Variants in PARVB observed in about 807,000 individuals in gnomAD.
PARVB encodes the protein beta-parvin.
A neutral mutation model predicts 47.0 loss-of-function variants in PARVB; 46 were observed. The ratio of observed to expected loss-of-function variants is 0.98; its 90% confidence interval spans 0.77 to 1.25. PARVB has a LOEUF of 1.25. Ranked by LOEUF, PARVB falls within the 50% of genes most tolerant of loss-of-function variation. The probability of loss-of-function intolerance (pLI) is 0.00; values close to 1 mark genes in which losing one functional copy is unlikely to be tolerated. For synonymous variants in PARVB, 196 were observed against 196.3 expected (o/e 1.00, Z 0.01); for missense variants, 473 against 471.6 (o/e 1.00, Z -0.03).
intron 3 of PARVB, chr22:44,110,675 C>G (rs1302818402): frequency 6.6e-6 from 1 of 152,126 alleles, no homozygotes; most frequent in Non-Finnish European, 1.5e-5. Context: ...TCTCGGCTCA[C>G]TGCAACCTCT....
intron 1 of PARVB, among the ~76,000 whole-genome samples, chr22:44,028,304 A>ACT (rs201856007): frequency 8.1e-6 from 1 of 123,510 alleles, no homozygotes; most frequent in Admixed American, 8.7e-5. Context: ...ACCACGGATC[A>ACT]TTTTTTTGTT....
intron 1 of PARVB, among the ~76,000 whole-genome samples, chr22:44,062,956 G>T (rs561157766): frequency 1.3e-5 from 2 of 152,256 alleles, no homozygotes; most frequent in Admixed American, 6.5e-5. Context: ...GGGGTTGGGG[G>T]GTGTGGAGCT....
intron 8 of PARVB, chr22:44,140,735 G>A (rs2053535071): frequency 5.3e-6 from 2 of 378,704 alleles, no homozygotes; most frequent in African/African-American, 4.2e-5. Flanking sequence ...TGAGATCACA[G>A]GTGAGTGCCC....
At chr22:44,084,249 G>A in intron 1 of PARVB, among the ~76,000 whole-genome samples, 1 of 152,238 alleles carries the variant, frequency 6.6e-6, no homozygotes, top group Non-Finnish European at 1.5e-5. Flanking sequence ...TGGGAGGCCA[G>A]TGTGCCAGCT....
At chr22:44,134,152 C>T (rs2053390440) in intron 6 of PARVB, among the ~76,000 whole-genome samples, 2 of 152,284 alleles carry the variant, frequency 1.3e-5, no homozygotes, top group South Asian at 2.1e-4. Flanking sequence ...GTTTTCCGAA[C>T]CCATTCTGGC....
chr22:44,058,983 G>C (rs575371726), intron 1 of PARVB, among the ~76,000 whole-genome samples: 22 of 151,530 alleles, frequency 1.5e-4, no homozygotes, highest in South Asian at 2.1e-4. Flanking sequence ...GGTGTGATGG[G>C]GGGGGGAAAC....
intron 1 of PARVB, among the ~76,000 whole-genome samples, chr22:44,061,461 C>CA (rs1211440492): frequency 6.6e-5 from 10 of 151,124 alleles, no homozygotes; most frequent in East Asian, 3.9e-4. Flanking sequence ...CAAAACAAAA[C>CA]AAACCAAAAC....
intron 3 of PARVB, among the ~76,000 whole-genome samples, chr22:44,100,570 A>G (rs755318740): frequency 7.2e-5 from 11 of 151,992 alleles, no homozygotes; most frequent in Non-Finnish European, 1.6e-4. Flanking sequence ...CGCTGAGTGG[A>G]CAGTCAGTTT....
In PARVB at chr22:44,024,313, G is replaced by C. The variant is rs1603424126; in HGVS notation, c.-27G>C. 6 of 1,009,016 alleles carry C rather than the reference G, an allele frequency of 5.9e-6. No individual in the cohort carries two copies. The highest frequency in any genetic ancestry group is 7.1e-6 in the Non-Finnish European group (6 of 845,786). 62.5% of individuals were successfully genotyped at this position (1,009,016 alleles called of 1,614,324 possible). On this transcript the variant is annotated 5_prime_UTR_variant, in exon 1 of 13. Transcript: ENST00000338758. ...GACCGGGCGGCTCCACACGCGCTGCGCCCGCCGCCGGCCCCACGCGCGGCC... is the reference window on the plus strand; with the variant it reads ...GACCGGGCGGCTCCACACGCGCTGCCCCCGCCGCCGGCCCCACGCGCGGCC...
intron 4 of PARVB, among the ~76,000 whole-genome samples, chr22:44,130,822 G>A (rs1305283610): frequency 6.6e-6 from 1 of 152,012 alleles, no homozygotes; most frequent in East Asian, 1.9e-4. Context: ...GAATGTTCCC[G>A]AGTATAACAC....
At chr22:44,054,747 G>A (rs1029199303) in intron 1 of PARVB, among the ~76,000 whole-genome samples, 1 of 149,332 alleles carries the variant, frequency 6.7e-6, no homozygotes, top group Admixed American at 6.7e-5. Context: ...CCAGCACTTT[G>A]GGAAGTCGAG....
Position 44,163,850 on chromosome 22 carries a change from C to T in PARVB, c.946-8C>T. 2 of 1,604,478 alleles carry T rather than the reference C, an allele frequency of 1.2e-6. No individual in the cohort carries two copies. The highest frequency in any genetic ancestry group is 1.7e-6 in the Non-Finnish European group (2 of 1,175,216). On this transcript the variant is annotated splice_polypyrimidine_tract_variant and splice_region_variant and intron_variant, in intron 11 of 12. Coordinates refer to ENST00000338758, the MANE Select transcript of PARVB (RefSeq NM_013327.5). ...CCCTAACGCTGACCCACCCCCCTTC[C>T]TTGGCAGGTCCACAATGTGTCCTTC...
chr22:44,167,777 C>T (rs1302905093), intron 12 of PARVB, among the ~76,000 whole-genome samples: 1 of 151,970 alleles, frequency 6.6e-6, no homozygotes, highest in Admixed American at 6.6e-5. Context: ...GAGTTCAGCC[C>T]TGCTTTTGCT....
chr22:44,058,290 G>A (rs1326465659), intron 1 of PARVB, among the ~76,000 whole-genome samples: 2 of 152,028 alleles, frequency 1.3e-5, no homozygotes, highest in African/African-American at 4.8e-5. Context: ...GGGGACGGTG[G>A]GCAGTCCTGG....
rs763733104 is a variant in PARVB at position 44,168,604 on chromosome 22, G to T, written c.1021G>T (p.Val341Leu). ...AGTTTCTCTGTTTCCTTCTGCAGAC[G>T]TGGTTAACTTGGACCTCAAATCCAC... ...LKKPKARPED[V>L]VNLDLKSTLR... The change falls in exon 13 of 13, where the codon GTG becomes TTG. Residue 341 changes from valine to leucine, a missense_variant and splice_region_variant. Physicochemically the swap from Val to Leu is conservative, Grantham distance 32. Coordinates refer to ENST00000338758, the MANE Select transcript of PARVB (RefSeq NM_013327.5). 6.2e-7 allele frequency: 1 copy of T among 1,609,358 alleles called. No individual in the cohort carries two copies. The highest frequency in any genetic ancestry group is 8.5e-7 in the Non-Finnish European group (1 of 1,175,754).
intron 9 of PARVB, 191 bp downstream of exon 9, chr22:44,148,113 G>A (rs6006678): frequency 4.9e-6 from 3 of 607,874 alleles, no homozygotes; most frequent in East Asian, 2.8e-5. Flanking sequence ...ACTCAACCTC[G>A]CTGCTCCCTG....
rs72494364 is a variant in PARVB at position 44,087,708 on chromosome 22, T to TA, written c.113-6207dup. 6.6e-3 allele frequency among the ~76,000 whole-genome samples: 969 copies of TA among 146,060 alleles called. 10 individuals carry two copies. The highest frequency in any genetic ancestry group is 0.02 in the African/African-American group (795 of 40,214). On this transcript the variant is annotated intron_variant, in intron 1 of 12. Coordinates refer to ENST00000338758, the MANE Select transcript of PARVB (RefSeq NM_013327.5). ...AATACAACCATACAAAGAAGAAGAT[T>TA]AAAAAAAAAAAAATCAAAGATGGAA...
intron 2 of PARVB, among the ~76,000 whole-genome samples, chr22:44,098,187 A>C (rs979997288): frequency 6.6e-6 from 1 of 151,890 alleles, no homozygotes; most frequent in African/African-American, 2.4e-5. Context: ...GAAGGCTGGG[A>C]TTGGGTAGTG....
At chr22:44,121,505 T>G (rs1484592204) in intron 4 of PARVB, among the ~76,000 whole-genome samples, 2 of 152,014 alleles carry the variant, frequency 1.3e-5, no homozygotes, top group African/African-American at 2.4e-5. Context: ...CCCCACTTAT[T>G]AGCTGGCATT....
Sources: allele counts gnomAD v4.1 joint callset (sites outside exome capture counted in the v4.1 genomes callset), GRCh38; gene constraint gnomAD v4.1.1; transcripts MANE v1.5; gene names NCBI Gene and HGNC (gene_info 2026-07-23, HGNC 2026-07-21).